Variants in NOVA1 observed in about 807,000 individuals in gnomAD.
The protein encoded by NOVA1 is NOVA alternative splicing regulator 1.
In NOVA1, 7 loss-of-function variants were observed where a neutral mutation model predicts 38.0. The observed-to-expected ratio is 0.18, with a 90% confidence interval of 0.10 to 0.35. The LOEUF (loss-of-function observed/expected upper bound fraction) is 0.35. Ranked by LOEUF, NOVA1 falls within the 10% of genes least tolerant of loss-of-function variation. NOVA1 has a pLI of 1.00. For missense variants in NOVA1, 460 were observed against 616.0 expected (o/e 0.75, Z 2.68); for synonymous variants, 270 against 232.5 (o/e 1.16, Z -1.47).
chr14:26,555,143 C>T (rs1891401819), intron 2 of NOVA1, among the ~76,000 whole-genome samples: 1 of 151,998 alleles, frequency 6.6e-6, no homozygotes, highest in Non-Finnish European at 1.5e-5. Context: ...ATTCATGTTG[C>T]AGTAACCTAA....
intron 2 of NOVA1, among the ~76,000 whole-genome samples, chr14:26,542,580 T>A (rs1314156519): frequency 6.6e-6 from 1 of 151,746 alleles, no homozygotes; most frequent in Non-Finnish European, 1.5e-5. Flanking sequence ...CCAATAAATA[T>A]AACAATTTAA....
At chr14:26,476,416 C>T (rs770486851) in intron 3 of NOVA1, among the ~76,000 whole-genome samples, 88 of 152,088 alleles carry the variant, frequency 5.8e-4, no homozygotes, top group Non-Finnish European at 1.0e-3. Flanking sequence ...TTTGATTAGA[C>T]ATCCAAGGTT....
chr14:26,497,895 A>G (rs1169310208), intron 2 of NOVA1, among the ~76,000 whole-genome samples: 7 of 152,212 alleles, frequency 4.6e-5, no homozygotes, highest in Non-Finnish European at 7.3e-5. Flanking sequence ...CTAGAATGCT[A>G]GTAACTATAT....
intron 2 of NOVA1, among the ~76,000 whole-genome samples, chr14:26,556,202 A>C (rs776123006): frequency 1.2e-4 from 18 of 152,174 alleles, no homozygotes; most frequent in African/African-American, 4.1e-4. Flanking sequence ...TATTAAAGGA[A>C]AAGAACAAAG....
At chr14:26,499,080 T>C (rs1425797675) in intron 2 of NOVA1, among the ~76,000 whole-genome samples, 2 of 152,196 alleles carry the variant, frequency 1.3e-5, no homozygotes, top group Non-Finnish European at 2.9e-5. Flanking sequence ...GTAGCAAATA[T>C]GTAGGATGAA....
chr14:26,453,443 A>C (rs1049305377), intron 4 of NOVA1, among the ~76,000 whole-genome samples: 3 of 152,074 alleles, frequency 2.0e-5, no homozygotes, highest in Non-Finnish European at 2.9e-5. Context: ...CAAGTTATTT[A>C]TCCAAAAAAA....
chr14:26,597,714 A>C lies in NOVA1; in HGVS notation c.-278T>G, dbSNP rs1203856982. The C allele has an allele frequency of 1.8e-6, 2 of 1,103,388 alleles. No individual in the cohort carries two copies. The highest frequency in any genetic ancestry group is 2.2e-6 in the Non-Finnish European group (2 of 908,902). The allele number at this position is 1,103,388 out of a possible 1,614,324, so 68.3% of individuals were successfully genotyped here. A position where few individuals can be genotyped will look rare whatever the true frequency, so the allele number is the denominator to read the frequency against. ...TGTGAGAGACGGAGGGTGAAAGAAGAAGAAGAAAGGAGACAGGGGGAGAGA... is the reference window on the plus strand; with the variant it reads ...TGTGAGAGACGGAGGGTGAAAGAAGCAGAAGAAAGGAGACAGGGGGAGAGA... On this transcript the variant is annotated 5_prime_UTR_variant, in exon 1 of 5. Coordinates refer to ENST00000539517, the MANE Select transcript of NOVA1 (RefSeq NM_002515.3).
chr14:26,483,833 T>C (rs1885653945), intron 2 of NOVA1, among the ~76,000 whole-genome samples: 1 of 152,210 alleles, frequency 6.6e-6, no homozygotes, highest in African/African-American at 2.4e-5. Flanking sequence ...ACTTAAAATA[T>C]GTTATGACTA....
chr14:26,572,599 A>T (rs1308919849), intron 2 of NOVA1, among the ~76,000 whole-genome samples: 5 of 152,100 alleles, frequency 3.3e-5, no homozygotes, highest in Admixed American at 6.5e-5. Flanking sequence ...TAATTACAAG[A>T]AGCATTAAAA....
intron 2 of NOVA1, among the ~76,000 whole-genome samples, chr14:26,515,218 C>T (rs1036365910): frequency 3.3e-5 from 5 of 151,748 alleles, no homozygotes; most frequent in Admixed American, 1.3e-4. Context: ...TTCACAGGGC[C>T]TCTGTTTAGG....
intron 2 of NOVA1, among the ~76,000 whole-genome samples, chr14:26,543,010 A>G (rs148979548): frequency 6.6e-5 from 10 of 152,066 alleles, no homozygotes; most frequent in African/African-American, 2.4e-4. Flanking sequence ...AGTAATAATC[A>G]TATATTTCAA....
intron 2 of NOVA1, among the ~76,000 whole-genome samples, chr14:26,527,952 G>C (rs1889421317): frequency 6.6e-6 from 1 of 152,160 alleles, no homozygotes; most frequent in African/African-American, 2.4e-5. Context: ...ACTAAAAAAG[G>C]TAACTAGAGC....
In NOVA1 at chr14:26,444,051, G is replaced by A. The variant is rs567388627; in HGVS notation, c.*3908C>T. 3 of 151,986 alleles carry A rather than the reference G, an allele frequency of 2.0e-5. No homozygotes were observed. The highest frequency in any genetic ancestry group is 4.4e-5 in the Non-Finnish European group (3 of 67,962). The allele number at this position is 151,986 out of a possible 1,614,324, so 9.4% of individuals were successfully genotyped here. A position where few individuals can be genotyped will look rare whatever the true frequency, so the allele number is the denominator to read the frequency against. On this transcript the variant is annotated 3_prime_UTR_variant, in exon 5 of 5. Transcript: ENST00000539517. ...AATAAACTTTACTTAAGGACTCAGT[G>A]AGGAATCAGCATATAAATCAAGACT...
chr14:26,496,341 G>T lies in NOVA1; in HGVS notation c.281-16198C>A, dbSNP rs557723741. Among the ~76,000 whole-genome samples, 13 of 152,012 alleles carry T rather than the reference G, an allele frequency of 8.6e-5. No homozygotes were observed. The South Asian group carries it at 2.5e-3, about 29-fold the overall frequency. ...TGTCCTTCGCCCACTTTTTGATGGG[G>T]TTGTTTTTTTCTTGTAAATTTGTTT... On this transcript the variant is annotated intron_variant, in intron 2 of 4. Coordinates refer to ENST00000539517, the MANE Select transcript of NOVA1 (RefSeq NM_002515.3).
chr14:26,594,183 A>AAT (rs1894038065), intron 2 of NOVA1: 1 of 152,016 alleles, frequency 6.6e-6, no homozygotes. Context: ...CATCGTGTCT[A>AAT]ATATATTACT....
intron 2 of NOVA1, among the ~76,000 whole-genome samples, chr14:26,567,063 T>C (rs1045851558): frequency 4.6e-5 from 7 of 152,060 alleles, no homozygotes; most frequent in Non-Finnish European, 1.0e-4. Context: ...ATAAAAACAC[T>C]TGCCTTCAAT....
chr14:26,490,089 C>A (rs1886221039), intron 2 of NOVA1, among the ~76,000 whole-genome samples: 1 of 152,242 alleles, frequency 6.6e-6, no homozygotes, highest in Middle Eastern at 3.4e-3. Flanking sequence ...CTAGATATTT[C>A]GTATAAATGG....
intron 2 of NOVA1, chr14:26,593,311 G>T (rs1247740507): frequency 1.3e-5 from 2 of 151,802 alleles, no homozygotes; most frequent in African/African-American, 4.8e-5. Context: ...AAATTATTCT[G>T]AAGACTTGTG....
intron 2 of NOVA1, among the ~76,000 whole-genome samples, chr14:26,563,856 T>G (rs558818642): frequency 6.6e-6 from 1 of 152,286 alleles, no homozygotes; most frequent in South Asian, 2.1e-4. Context: ...CAGAGATTTA[T>G]TCTGTTTATA....
Sources: gnomAD v4.1 joint callset for allele counts (sites outside exome capture counted in the v4.1 genomes callset) on GRCh38, gnomAD v4.1.1 for gene constraint, MANE v1.5 for transcripts, NCBI Gene and HGNC (gene_info 2026-07-23, HGNC 2026-07-21) for gene names.